The following ATXN1 variants were observed in gnomAD, a reference collection of about 807,000 sequenced individuals.
ATXN1 encodes the protein ataxin 1.
ATXN1 carries 8 observed loss-of-function variants against 56.4 expected under a neutral mutation model. That is an observed-to-expected ratio of 0.14 (90% CI 0.08 to 0.26). The LOEUF (loss-of-function observed/expected upper bound fraction) is 0.26. Ranked by LOEUF, ATXN1 falls within the 10% of genes least tolerant of loss-of-function variation. ATXN1 has a pLI of 1.00. For synonymous variants in ATXN1, 514 were observed against 494.6 expected (o/e 1.04, Z -0.52); for missense variants, 987 against 1,106.5 (o/e 0.89, Z 1.53).
chr6:16,555,604 C>T (rs1761996404), intron 4 of ATXN1, among the ~76,000 whole-genome samples: 1 of 152,202 alleles, frequency 6.6e-6, no homozygotes, highest in Admixed American at 6.5e-5. Context: ...CAAATAGACA[C>T]CTCTGCAGGC....
intron 1 of ATXN1, among the ~76,000 whole-genome samples, chr6:16,754,995 C>A (rs1275062449): frequency 6.6e-6 from 1 of 152,190 alleles, no homozygotes; most frequent in African/African-American, 2.4e-5. Context: ...GGTGCAGGTA[C>A]CATAAATTTA....
intron 2 of ATXN1, among the ~76,000 whole-genome samples, chr6:16,707,166 A>G (rs1759426690): frequency 6.6e-6 from 1 of 152,086 alleles, no homozygotes; most frequent in Non-Finnish European, 1.5e-5. Flanking sequence ...GGAAGCTAGC[A>G]TCTATTTTTT....
intron 3 of ATXN1, among the ~76,000 whole-genome samples, chr6:16,645,898 T>C (rs1392327294): frequency 6.6e-6 from 1 of 152,108 alleles, no homozygotes; most frequent in Non-Finnish European, 1.5e-5. Flanking sequence ...CTAATACCAC[T>C]CCTCTGGGGA....
rs56105499 is a variant in ATXN1, at chr6:16,440,649, A to AAAAAAAAAAAAAAAAAAAAG, written c.-161+45322_-161+45323insCTTTTTTTTTTTTTTTTTTT. 2.6e-3 allele frequency among the ~76,000 whole-genome samples: 290 copies of AAAAAAAAAAAAAAAAAAAAG among 113,516 alleles called. 4 individuals carry two copies. Among genetic ancestry groups the AAAAAAAAAAAAAAAAAAAAG allele is most frequent in the African/African-American group, 3.9e-3 (106 of 27,182 alleles). The allele number at this position is 113,516 out of a possible 152,430, so 74.5% of individuals were successfully genotyped here. The stretch of plus-strand genomic sequence containing the variant: ...GAGTGAGACCCTGTCTTAAAAAAAA[A>AAAAAAAAAAAAAAAAAAAAG]AAAGAAAAGAAAAGAAAAAATTAAA... On this transcript the variant is annotated intron_variant, in intron 6 of 7. Coordinates refer to ENST00000436367, the MANE Select transcript of ATXN1 (RefSeq NM_001128164.2).
intron 6 of ATXN1, among the ~76,000 whole-genome samples, chr6:16,479,078 T>C (rs1205183877): frequency 6.6e-6 from 1 of 152,188 alleles, no homozygotes; most frequent in Non-Finnish European, 1.5e-5. Context: ...CCAAAGAGCA[T>C]GATGATAAAA....
intron 3 of ATXN1, among the ~76,000 whole-genome samples, chr6:16,655,349 C>T (rs572797113): frequency 1.1e-4 from 17 of 152,138 alleles, no homozygotes; most frequent in Admixed American, 9.2e-4. Context: ...AGCGAGACCT[C>T]GTATCTACAA....
intron 6 of ATXN1, among the ~76,000 whole-genome samples, chr6:16,473,348 C>A (rs1760260076): frequency 6.6e-6 from 1 of 152,238 alleles, no homozygotes; most frequent in Admixed American, 6.5e-5. Context: ...CTCTTGGCGA[C>A]TTGAATTTGG....
intron 6 of ATXN1, among the ~76,000 whole-genome samples, chr6:16,422,525 G>A (rs566485148): frequency 2.3e-4 from 35 of 152,244 alleles, no homozygotes. Context: ...AGGCATGAAG[G>A]GTCTCAAGCC....
At chr6:16,720,030 C>T (rs780226161) in intron 2 of ATXN1, among the ~76,000 whole-genome samples, 2 of 152,176 alleles carry the variant, frequency 1.3e-5, no homozygotes, top group Non-Finnish European at 2.9e-5. Flanking sequence ...TTTCCCATCA[C>T]ATTTAGCGTA....
At chr6:16,647,080 C>T (rs1763811615) in intron 3 of ATXN1, among the ~76,000 whole-genome samples, 1 of 152,186 alleles carries the variant, frequency 6.6e-6, no homozygotes, top group Non-Finnish European at 1.5e-5. Context: ...TCTCGGCTCA[C>T]TGCAACCTCC....
At chr6:16,470,565 T>G (rs1434135179) in intron 6 of ATXN1, among the ~76,000 whole-genome samples, 1 of 152,200 alleles carries the variant, frequency 6.6e-6, no homozygotes, top group Non-Finnish European at 1.5e-5. Context: ...ATCTGATTAT[T>G]ATTATGTTAG....
At chr6:16,707,401 G>A (rs1759430574) in intron 2 of ATXN1, among the ~76,000 whole-genome samples, 1 of 152,026 alleles carries the variant, frequency 6.6e-6, no homozygotes, top group Non-Finnish European at 1.5e-5. Flanking sequence ...AATCCTCCCG[G>A]TTGTTCCACC....
intron 2 of ATXN1, among the ~76,000 whole-genome samples, chr6:16,741,703 A>G (rs1333215732): frequency 6.6e-6 from 1 of 152,204 alleles, no homozygotes; most frequent in African/African-American, 2.4e-5. Flanking sequence ...GAAGGCTCAT[A>G]TACTACTGGT....
chr6:16,584,550 C>T (rs752552766), intron 4 of ATXN1, among the ~76,000 whole-genome samples: 1 of 151,510 alleles, frequency 6.6e-6, no homozygotes, highest in African/African-American at 2.4e-5. Flanking sequence ...TCTGAAATGT[C>T]GAAATCTGGT....
At chr6:16,740,428 T>C (rs950766755) in intron 2 of ATXN1, among the ~76,000 whole-genome samples, 5 of 152,172 alleles carry the variant, frequency 3.3e-5, no homozygotes, top group Admixed American at 3.3e-4. Flanking sequence ...AGACAGCAGA[T>C]ACCTACACAG....
At chr6:16,658,255 T>G (rs982120168) in intron 2 of ATXN1, among the ~76,000 whole-genome samples, 1 of 152,222 alleles carries the variant, frequency 6.6e-6, no homozygotes, top group Non-Finnish European at 1.5e-5. Flanking sequence ...TCTAAGTGAT[T>G]AAAGACTGAT....
Position 16,326,568 on chromosome 6 carries a change from C to G in ATXN1, c.1743G>C (p.Gln581His). ...PPYFMKGSII[Q>H]LANGELKKVE... Reference sequence around the variant, plus strand: ...CCTTCTTTAGCTCCCCGTTGGCCAACTGGATGATGGAGCCTTTCATGAAGT... The same window carrying G: ...CCTTCTTTAGCTCCCCGTTGGCCAAGTGGATGATGGAGCCTTTCATGAAGT... The change falls in exon 7 of 8, where the codon CAG (glutamine) becomes CAC (histidine). Residue 581 changes from glutamine (Q) to histidine (H), a missense_variant. Gln to His is a conservative substitution (Grantham distance 24, BLOSUM62 0). This residue lies in a region of ATXN1 where 68 missense variants were observed against 118.1 expected (regional missense o/e 0.58). Coordinates refer to ENST00000436367, the MANE Select transcript of ATXN1 (RefSeq NM_001128164.2). This position sits in a 1 kb window ranked among gnomAD's most constrained non-coding sequence, Gnocchi z 6.6. 6.2e-7 allele frequency: 1 copy of G among 1,614,196 alleles called. No individual in the cohort carries two copies. The highest frequency in any genetic ancestry group is 1.3e-5 in the African/African-American group (1 of 75,038).
At chr6:16,539,135 G>A (rs973183355) in intron 4 of ATXN1, among the ~76,000 whole-genome samples, 2 of 152,216 alleles carry the variant, frequency 1.3e-5, no homozygotes, top group African/African-American at 4.8e-5. Context: ...TGGCAGGTAG[G>A]TTTTAGAAAC....
At chr6:16,366,835 CAT>C (rs1372238264) in intron 6 of ATXN1, among the ~76,000 whole-genome samples, 8 of 151,006 alleles carry the variant, frequency 5.3e-5, no homozygotes, top group East Asian at 1.9e-4. Flanking sequence ...AATCAACCCA[CAT>C]GTTACATGTT....
Sources: allele counts gnomAD v4.1 joint callset (sites outside exome capture counted in the v4.1 genomes callset), GRCh38; gene constraint gnomAD v4.1.1; regional missense constraint gnomAD v4.1.1; non-coding constraint Gnocchi (gnomAD v3.1); transcripts MANE v1.5; gene names NCBI Gene and HGNC (gene_info 2026-07-23, HGNC 2026-07-21).